Variants in USP43 observed in about 807,000 individuals in gnomAD.
The protein encoded by USP43 is ubiquitin carboxyl-terminal hydrolase 43.
USP43 carries 33 observed loss-of-function variants against 90.7 expected under a neutral mutation model. The observed-to-expected ratio is 0.36, with a 90% CI of 0.28 to 0.49. USP43 has a LOEUF of 0.49. Ranked by LOEUF, USP43 falls within the 20% of genes least tolerant of loss-of-function variation. USP43 has a pLI of 0.98. For synonymous variants in USP43, 598 were observed against 615.8 expected, an observed-to-expected ratio of 0.97 and a Z score of 0.43; for missense variants, 1,274 against 1,476.4, an observed-to-expected ratio of 0.86 and a Z score of 2.25.
At chr17:9,725,550 A>G (rs191363112) in intron 14 of USP43, among the ~76,000 whole-genome samples, 7 of 152,310 alleles carry the variant, frequency 4.6e-5, no homozygotes, top group African/African-American at 1.7e-4. Flanking sequence ...CAATTTTATT[A>G]AAGCCATCAC....
In USP43 at chr17:9,646,022, G is replaced by T. The variant is rs1343588150; in HGVS notation, c.390G>T (p.Ala130=). ...SNTDLLAEFL[A]LGRYRAAPGR... is the part of the protein sequence containing the mutation. ...CCGACCTGCTGGCCGAGTTCCTGGCGCTGGGGCGCTACCGGGCGGCTCCGG... is the reference window on the plus strand; with the variant it reads ...CCGACCTGCTGGCCGAGTTCCTGGCTCTGGGGCGCTACCGGGCGGCTCCGG... The change falls in exon 1 of 15, where the codon GCG becomes GCT. Residue 130 remains alanine, a synonymous_variant. Coordinates refer to ENST00000285199, the MANE Select transcript of USP43 (RefSeq NM_153210.5). 1.3e-6 allele frequency: 2 copies of T among 1,487,422 alleles called. No homozygotes were observed. The highest frequency in any genetic ancestry group is 1.8e-6 in the Non-Finnish European group (2 of 1,121,068). 92.1% of individuals were successfully genotyped at this position (1,487,422 alleles called of 1,614,324 possible). A position where few individuals can be genotyped will look rare whatever the true frequency, so the allele number is the denominator to read the frequency against.
chr17:9,667,150 T>G (rs1183004871), intron 3 of USP43, among the ~76,000 whole-genome samples: 1 of 151,896 alleles, frequency 6.6e-6, no homozygotes, highest in Non-Finnish European at 1.5e-5. Flanking sequence ...ATGGAGGATA[T>G]AAAAATGTAT....
At chr17:9,723,113 G>A (rs115216623) in intron 14 of USP43, among the ~76,000 whole-genome samples, 4,670 of 152,254 alleles carry the variant, frequency 0.031, 91 homozygotes, top group African/African-American at 0.048. Context: ...CTCTTGAGTC[G>A]CAGTCCTTTT....
intron 12 of USP43, among the ~76,000 whole-genome samples, chr17:9,708,183 G>T (rs1915996141): frequency 6.6e-6 from 1 of 152,228 alleles, no homozygotes; most frequent in African/African-American, 2.4e-5. Flanking sequence ...CCATTCAGGG[G>T]TAATTGATGA....
intron 14 of USP43, among the ~76,000 whole-genome samples, chr17:9,717,369 GT>G (rs1488574706): frequency 6.6e-6 from 1 of 151,666 alleles, no homozygotes; most frequent in Non-Finnish European, 1.5e-5. Context: ...CAGTGTGTGT[GT>G]GTGTGTGTGT....
In USP43 at chr17:9,679,516, CTTTTTTTTTTT is replaced by C. The variant is rs544977324; in HGVS notation, c.970-699_970-689del. On this transcript the variant is annotated intron_variant, in intron 5 of 14. Transcript: ENST00000285199. ...CACGGTGCCCAGCCCTGAAATGCAT[CTTTTTTTTTTT>C]TTTTTTTTTTTTTTTAATGACGGAG... Among the ~76,000 whole-genome samples, 20 of 82,310 alleles carry C rather than the reference CTTTTTTTTTTT, an allele frequency of 2.4e-4. No homozygotes were observed. In the East Asian group the frequency reaches 9.1e-3, roughly 37 times the overall value. The allele number at this position is 82,310 out of a possible 152,430, so 54.0% of individuals were successfully genotyped here. A position where few individuals can be genotyped will look rare whatever the true frequency, so the allele number is the denominator to read the frequency against.
At chr17:9,675,024 A>G (rs922157125) in intron 4 of USP43, 41 bp downstream of exon 4, 29 of 1,548,048 alleles carry the variant, frequency 1.9e-5, no homozygotes, top group Non-Finnish European at 2.2e-5. Context: ...CTTGACTTCC[A>G]TCCTTACTCA....
At position 9,700,159 on chromosome 17, in the gene USP43, G is replaced by T; in HGVS notation, c.1458-13G>T. ...CCCGTGTTTTCTGATGGGCTCCCTT[G>T]TTCTCTTCTCAGGGTTTTGCATCTC... On this transcript the variant is annotated splice_polypyrimidine_tract_variant and intron_variant, in intron 9 of 14. Coordinates refer to ENST00000285199, the MANE Select transcript of USP43 (RefSeq NM_153210.5). 3 of 1,594,260 alleles carry T rather than the reference G, an allele frequency of 1.9e-6. No individual in the cohort carries two copies. Among genetic ancestry groups the T allele is most frequent in the South Asian group, 1.1e-5 (1 of 87,402 alleles).
rs1911305427 is a variant in USP43 at position 9,645,542 on chromosome 17, C to T, written c.-91C>T. 2 of 1,120,452 alleles carry T rather than the reference C, an allele frequency of 1.8e-6. No individual in the cohort carries two copies. The highest frequency in any genetic ancestry group is 4.4e-5 in the East Asian group (1 of 22,484). 69.4% of individuals were successfully genotyped at this position (1,120,452 alleles called of 1,614,324 possible). A position where few individuals can be genotyped will look rare whatever the true frequency, so the allele number is the denominator to read the frequency against. ...ACACCTGGCCCGCAGGTAGCCGGCA[C>T]CAGGAGCCTTAGAGAAGCTGTAGGG... On this transcript the variant is annotated 5_prime_UTR_variant, in exon 1 of 15. Coordinates refer to ENST00000285199, the MANE Select transcript of USP43 (RefSeq NM_153210.5). This position sits in a 1 kb window ranked among gnomAD's most constrained non-coding sequence, Gnocchi z 6.8.
intron 10 of USP43, among the ~76,000 whole-genome samples, chr17:9,700,767 G>C (rs1466196911): frequency 6.6e-6 from 1 of 152,098 alleles, no homozygotes; most frequent in African/African-American, 2.4e-5. Context: ...CACCATACTT[G>C]GCTACCTCTG....
At chr17:9,673,809 A>G (rs73255762) in intron 3 of USP43, among the ~76,000 whole-genome samples, 3,808 of 152,228 alleles carry the variant, frequency 0.025, 124 homozygotes, top group African/African-American at 0.075. Context: ...TGGGTGGTAA[A>G]TGGGTTCATC....
At chr17:9,724,480 G>C (rs1917149384) in intron 14 of USP43, among the ~76,000 whole-genome samples, 1 of 152,174 alleles carries the variant, frequency 6.6e-6, no homozygotes, top group African/African-American at 2.4e-5. Flanking sequence ...AGGAGTTCAA[G>C]ACCAGTCTGG....
In USP43 at chr17:9,686,687, C is replaced by T. The variant is rs1690909575; in HGVS notation, c.1242-111C>T. ...TGCTGTTGAGTTTTTGTGCTTAGCTCTTGTCACTTATCCTATTGACAGGAA... is the reference window on the plus strand; with the variant it reads ...TGCTGTTGAGTTTTTGTGCTTAGCTTTTGTCACTTATCCTATTGACAGGAA... On this transcript the variant is annotated intron_variant, in intron 7 of 14. Coordinates refer to ENST00000285199, the MANE Select transcript of USP43 (RefSeq NM_153210.5). This position sits in a 1 kb window ranked among gnomAD's most constrained non-coding sequence, Gnocchi z 5.5. 1.2e-6 allele frequency: 1 copy of T among 865,304 alleles called. No individual in the cohort carries two copies. Among genetic ancestry groups the T allele is most frequent in the African/African-American group, 1.7e-5 (1 of 59,056 alleles). 53.6% of individuals were successfully genotyped at this position (865,304 alleles called of 1,614,324 possible). A position where few individuals can be genotyped will look rare whatever the true frequency, so the allele number is the denominator to read the frequency against.
At chr17:9,694,578 T>A (rs894569005) in intron 9 of USP43, among the ~76,000 whole-genome samples, 1 of 152,192 alleles carries the variant, frequency 6.6e-6, no homozygotes, top group African/African-American at 2.4e-5. Context: ...ATTTTATATG[T>A]CTTTCCTCAC....
chr17:9,685,180 T>C (rs1264244226), intron 7 of USP43, among the ~76,000 whole-genome samples: 2 of 152,214 alleles, frequency 1.3e-5, no homozygotes, highest in Non-Finnish European at 2.9e-5. Flanking sequence ...CTCATATTTG[T>C]GTTCTGCTTT....
chr17:9,717,534 T>C (rs951698595), intron 14 of USP43, among the ~76,000 whole-genome samples: 1 of 152,196 alleles, frequency 6.6e-6, no homozygotes, highest in African/African-American at 2.4e-5. Flanking sequence ...AGTTGATTCC[T>C]GGCTGGGACT....
At chr17:9,666,867 A>G (rs1597827376) in intron 3 of USP43, 116 bp downstream of exon 3, 1 of 765,838 alleles carries the variant, frequency 1.3e-6, no homozygotes. Flanking sequence ...AAAACCACAA[A>G]CACCCTTCTC....
chr17:9,676,664 G>A (rs1264979447), intron 4 of USP43, 82 bp from the exon 5 acceptor site: 43 of 1,509,386 alleles, frequency 2.8e-5, no homozygotes, highest in African/African-American at 5.5e-5. Context: ...GAGCCACTGC[G>A]CCTGGCCTTG....
At chr17:9,705,798 C>CA (rs1423048561) in intron 12 of USP43, among the ~76,000 whole-genome samples, 1 of 148,524 alleles carries the variant, frequency 6.7e-6, no homozygotes, top group Non-Finnish European at 1.5e-5. Context: ...ACCCAAAAAA[C>CA]AAAAAAACAC....
Sources: gnomAD v4.1 joint callset for allele counts (sites outside exome capture counted in the v4.1 genomes callset) on GRCh38, gnomAD v4.1.1 for gene constraint, Gnocchi (gnomAD v3.1) non-coding constraint, MANE v1.5 for transcripts, NCBI Gene and HGNC (gene_info 2026-07-23, HGNC 2026-07-21) for gene names.